ASPG: variants seen among roughly 807,000 people sequenced by gnomAD.
The protein encoded by ASPG is 60 kDa lysophospholipase.
In ASPG, 53 loss-of-function variants were observed where a neutral mutation model predicts 63.2. That is an observed-to-expected ratio of 0.84 (90% CI 0.67 to 1.05). The LOEUF is 1.05. ASPG is among the 50% of genes least tolerant of loss of function. The pLI, the probability that ASPG is intolerant of heterozygous loss-of-function variation, is 0.00. For synonymous variants in ASPG, 370 were observed against 355.0 expected (o/e 1.04, Z -0.48); for missense variants, 741 against 794.4 (o/e 0.93, Z 0.81).
rs1454947053 is a variant in ASPG, at chr14:104,091,543, T to C, written c.83-1090T>C. 6.6e-6 allele frequency among the ~76,000 whole-genome samples: 1 copy of C among 151,986 alleles called. No homozygotes were observed. The highest frequency in any genetic ancestry group is 6.6e-5 in the Admixed American group (1 of 15,266). ...GGCCAGAGGAGGATCACGGGTGCCA[T>C]AAACCTTCACGGGGCCAAGGGCTGG... On this transcript the variant is annotated intron_variant, in intron 1 of 15. Transcript: ENST00000551177. This position sits in a 1 kb window ranked among gnomAD's most constrained non-coding sequence, Gnocchi z 6.4.
In ASPG at chr14:104,110,447, A is replaced by G; in HGVS notation, c.1521-1055A>G. 1 of 985,300 alleles carries G rather than the reference A, an allele frequency of 1.0e-6. No homozygotes were observed. Among genetic ancestry groups the G allele is most frequent in the South Asian group, 4.7e-5 (1 of 21,288 alleles). 61.0% of individuals were successfully genotyped at this position (985,300 alleles called of 1,614,324 possible). A position where few individuals can be genotyped will look rare whatever the true frequency, so the allele number is the denominator to read the frequency against. ...CATTGACAGATGGGGAAACTGAGGC[A>G]GTAGTCAGGTCCTGTGGGAGCTGGG... On this transcript the variant is annotated intron_variant, in intron 13 of 15. Transcript: ENST00000551177. This position sits in a 1 kb window ranked among gnomAD's most constrained non-coding sequence, Gnocchi z 4.7.
At chr14:104,108,978 C>G (rs1178421013) in intron 12 of ASPG, 1 of 985,290 alleles carries the variant, frequency 1.0e-6, no homozygotes, top group African/African-American at 1.7e-5. Flanking sequence ...GTTGACCCCA[C>G]CCCTTGCAGA....
At position 104,095,667 on chromosome 14, in the gene ASPG, G is replaced by A. The variant is rs745499651; in HGVS notation, c.429+11G>A. On this transcript the variant is annotated intron_variant, in intron 4 of 15. Transcript: ENST00000551177. ...CTCACTGGGGCCCAGGTAATCCCAG[G>A]GGCCCGGGGCTCCTAGGAACAGGGG... The A allele has an allele frequency of 1.9e-6, 3 of 1,612,004 alleles. No homozygotes were observed. Among genetic ancestry groups the A allele is most frequent in the Non-Finnish European group, 2.5e-6 (3 of 1,179,632 alleles).
At position 104,098,838 on chromosome 14, in the gene ASPG, G is replaced by T; in HGVS notation, c.514-15G>T. Reference sequence around the variant, plus strand: ...GGTGGCCGCTGCTCTGAACTCTGTCGCTCCGTTCCCGCAGGTCTGCCTTTT... The same window carrying T: ...GGTGGCCGCTGCTCTGAACTCTGTCTCTCCGTTCCCGCAGGTCTGCCTTTT... On this transcript the variant is annotated splice_polypyrimidine_tract_variant and intron_variant, in intron 5 of 15. Transcript: ENST00000551177. The T allele has an allele frequency of 2.5e-6, 4 of 1,611,886 alleles. No homozygotes were observed. The highest frequency in any genetic ancestry group is 3.4e-6 in the Non-Finnish European group (4 of 1,179,230).
In ASPG at chr14:104,085,818, C is replaced by T. The variant is rs190574851; in HGVS notation, c.48C>T (p.Thr16=). 4,119 of 1,591,420 alleles carry T rather than the reference C, an allele frequency of 2.6e-3. 96 individuals are homozygous for T. In the African/African-American group the frequency reaches 0.05, roughly 19 times the overall value. Residue 16 remains threonine (T), a synonymous_variant, in exon 1 of 16, where the codon ACC becomes ACT. Transcript: ENST00000551177. The stretch of plus-strand genomic sequence containing the variant: ...AGCGGAGGCTGCTGGCCGTCTACAC[C>T]GGCGGCACCATTGGCATGCGGAGTG... ...GPERRLLAVY[T]GGTIGMRSEL... is the part of the protein sequence containing the mutation.
In ASPG at chr14:104,104,789, TG is replaced by T; in HGVS notation, c.1050+56del. Reference sequence around the variant, plus strand: ...CCTCGGTGTGCACAAGCATGTCAGTTGGCTCCCAGGGGCATGTCTGGGGCGA... The same window carrying T: ...CCTCGGTGTGCACAAGCATGTCAGTTGCTCCCAGGGGCATGTCTGGGGCGA... On this transcript the variant is annotated intron_variant, in intron 9 of 15. Transcript: ENST00000551177. 5 of 1,455,988 alleles carry T rather than the reference TG, an allele frequency of 3.4e-6. No homozygotes were observed. The South Asian group carries it at 6.4e-5, about 19-fold the overall frequency. The allele number at this position is 1,455,988 out of a possible 1,614,324, so 90.2% of individuals were successfully genotyped here.
chr14:104,099,327 C>T (rs558539616), intron 6 of ASPG, among the ~76,000 whole-genome samples: 25 of 152,334 alleles, frequency 1.6e-4, no homozygotes, highest in African/African-American at 6.0e-4. Flanking sequence ...CTCTGTGTGC[C>T]GTAGCCTCGT....
rs771996916 is a variant in ASPG at position 104,110,873 on chromosome 14, C to G, written c.1521-629C>G. ...AGGAGGGTGGCAGGGTGAGGAGGAG[C>G]TGGTGAGGGCCTGGCAGGTGCTCCC... On this transcript the variant is annotated intron_variant, in intron 13 of 15. Transcript: ENST00000551177. The surrounding 1 kb of genome is among the most constrained non-coding windows in gnomAD (Gnocchi z 4.7). 2.0e-5 allele frequency: 20 copies of G among 985,268 alleles called. No individual in the cohort carries two copies. The highest frequency in any genetic ancestry group is 2.3e-5 in the Non-Finnish European group (19 of 829,912). The allele number at this position is 985,268 out of a possible 1,614,324, so 61.0% of individuals were successfully genotyped here. A position where few individuals can be genotyped will look rare whatever the true frequency, so the allele number is the denominator to read the frequency against.
chr14:104,111,446 C>A, intron 13 of ASPG, 56 bp from the exon 14 acceptor site: 1 of 1,430,726 alleles, frequency 7.0e-7, no homozygotes, highest in Non-Finnish European at 9.6e-7. Flanking sequence ...GGCACGTGGG[C>A]AGATGGACAG....
chr14:104,087,305 A>G (rs1484919140), intron 1 of ASPG, among the ~76,000 whole-genome samples: 1 of 152,248 alleles, frequency 6.6e-6, no homozygotes, highest in Non-Finnish European at 1.5e-5. Flanking sequence ...ACACAGAGTG[A>G]CACAATTCCT....
At position 104,112,956 on chromosome 14, in the gene ASPG, G is replaced by T; in HGVS notation, c.*412G>T. The T allele has an allele frequency of 3.4e-6, 1 of 298,202 alleles. No individual in the cohort carries two copies. Among genetic ancestry groups the T allele is most frequent in the Non-Finnish European group, 6.6e-6 (1 of 152,306 alleles). The allele number at this position is 298,202 out of a possible 1,614,324, so 18.5% of individuals were successfully genotyped here. ...TTTGCCCAGGCTGGTCCCTCCTCCA[G>T]ACACCCTCTGCCCATCTCCTTACCT... On this transcript the variant is annotated 3_prime_UTR_variant, in exon 16 of 16. Coordinates refer to ENST00000551177, the MANE Select transcript of ASPG (RefSeq NM_001080464.3).
At chr14:104,103,764 A>G in intron 7 of ASPG, 89 bp downstream of exon 7, 1 of 1,172,190 alleles carries the variant, frequency 8.5e-7, no homozygotes, top group Non-Finnish European at 1.2e-6. Context: ...TGGGGCCCTC[A>G]CCAGCCAGTG....
rs942951937 is a variant in ASPG at position 104,107,880 on chromosome 14, C to T, written c.1433+535C>T. 5.3e-5 allele frequency among the ~76,000 whole-genome samples: 8 copies of T among 152,086 alleles called. No individual in the cohort carries two copies. In the East Asian group the frequency reaches 1.4e-3, roughly 26 times the overall value. ...CGTCTCCCCTTCCTACTCTTTATTG[C>T]CCCAGCCTGGGAAGGCCAACGACCT... On this transcript the variant is annotated intron_variant, in intron 12 of 15. Coordinates refer to ENST00000551177, the MANE Select transcript of ASPG (RefSeq NM_001080464.3).
intron 1 of ASPG, among the ~76,000 whole-genome samples, chr14:104,090,344 C>T (rs150241780): frequency 9.1e-4 from 139 of 152,356 alleles, no homozygotes; most frequent in African/African-American, 3.2e-3. Context: ...CAAAACCAAA[C>T]CAGATATGCC....
At chr14:104,092,092 G>A (rs542554272) in intron 1 of ASPG, among the ~76,000 whole-genome samples, 14 of 152,210 alleles carry the variant, frequency 9.2e-5, no homozygotes, top group East Asian at 1.9e-4. Context: ...CACACAGTCC[G>A]TGCCCTTTGG....
chr14:104,097,660 G>A, intron 5 of ASPG, 23 bp downstream of exon 5: 1 of 1,551,712 alleles, frequency 6.4e-7, no homozygotes, highest in Non-Finnish European at 8.7e-7. Flanking sequence ...TGCACGTGGA[G>A]GCGGGGCAGG....
Position 104,110,326 on chromosome 14 carries a change from C to T in ASPG, c.1520+1011C>T, listed in dbSNP as rs117179533. On this transcript the variant is annotated intron_variant, in intron 13 of 15. Coordinates refer to ENST00000551177, the MANE Select transcript of ASPG (RefSeq NM_001080464.3). The surrounding 1 kb of genome is among the most constrained non-coding windows in gnomAD (Gnocchi z 4.7). ...AGGAGGACTAGCAGCTCTGGCTTCT[C>T]CTCTGGGACCGGCCCACAACCCCTG... 0.017 allele frequency: 16,810 copies of T among 985,324 alleles called. 158 individuals carry two copies. Among genetic ancestry groups the T allele is most frequent in the Non-Finnish European group, 0.019 (15,632 of 829,874 alleles). The allele number at this position is 985,324 out of a possible 1,614,324, so 61.0% of individuals were successfully genotyped here. A position where few individuals can be genotyped will look rare whatever the true frequency, so the allele number is the denominator to read the frequency against.
At chr14:104,093,215 GA>G (rs1459526671) in intron 2 of ASPG, 5 of 556,296 alleles carry the variant, frequency 9.0e-6, no homozygotes, top group Non-Finnish European at 1.6e-5. Flanking sequence ...CCTGCCTGGG[GA>G]TGGCTGGTCC....
intron 3 of ASPG, among the ~76,000 whole-genome samples, chr14:104,095,234 G>A (rs1043819772): frequency 2.0e-5 from 3 of 152,192 alleles, no homozygotes; most frequent in Admixed American, 6.5e-5. Context: ...GCGCTCTCCC[G>A]CCCTTGGGGA....
Sources: allele counts gnomAD v4.1 joint callset (sites outside exome capture counted in the v4.1 genomes callset), GRCh38; gene constraint gnomAD v4.1.1; non-coding constraint Gnocchi (gnomAD v3.1); transcripts MANE v1.5; gene names NCBI Gene and HGNC (gene_info 2026-07-23, HGNC 2026-07-21).